Variants in CCT7 observed in about 807,000 individuals in gnomAD.
CCT7 encodes T-complex protein 1 subunit eta.
Under a neutral mutation model 56.6 loss-of-function variants are expected in CCT7, and 16 were observed. That is an observed-to-expected ratio of 0.28 (90% CI 0.19 to 0.43). CCT7 has a LOEUF of 0.43. Among genes scored for constraint, CCT7 ranks in the 20% least tolerant of loss-of-function variants. The probability of loss-of-function intolerance (pLI) is 1.00; values close to 1 mark genes in which losing one functional copy is unlikely to be tolerated. For missense variants in CCT7, 519 were observed against 685.6 expected, an observed-to-expected ratio of 0.76 and a Z score of 2.71; for synonymous variants, 262 against 254.8, an observed-to-expected ratio of 1.03 and a Z score of -0.27.
rs1467981768 is a variant in CCT7 at position 73,240,456 on chromosome 2, T to G, written c.180T>G (p.Asn60Lys). ...VDGRGKATISNDGATILKLLD... is the reference protein window; with the variant it reads ...VDGRGKATISKDGATILKLLD... ...TTTAAGGCAAAGCAACAATTTCTAATGATGGGGCCACAATTCTGAAACTTC... is the reference window on the plus strand; with the variant it reads ...TTTAAGGCAAAGCAACAATTTCTAAGGATGGGGCCACAATTCTGAAACTTC... The change falls in exon 3 of 12, where the codon AAT (asparagine) becomes AAG (lysine). Residue 60 changes from asparagine (N) to lysine (K), a missense_variant. This residue lies in a region of CCT7 where 276 missense variants were observed against 357.3 expected (regional missense o/e 0.77). Coordinates refer to ENST00000258091, the MANE Select transcript of CCT7 (RefSeq NM_006429.4). The G allele has an allele frequency of 1.9e-6, 3 of 1,611,772 alleles. No individual in the cohort carries two copies. The highest frequency in any genetic ancestry group is 2.5e-6 in the Non-Finnish European group (3 of 1,178,872).
At position 73,252,651 on chromosome 2, in the gene CCT7, G is replaced by T; in HGVS notation, c.1422G>T (p.Trp474Cys). The T allele has an allele frequency of 6.2e-7, 1 of 1,613,668 alleles. No homozygotes were observed. The highest frequency in any genetic ancestry group is 1.1e-5 in the South Asian group (1 of 91,060). The change falls in exon 12 of 12, where the codon TGG becomes TGT. Residue 474 changes from tryptophan to cysteine, a missense_variant. Trp to Cys is a radical substitution (Grantham distance 215). Coordinates refer to ENST00000258091, the MANE Select transcript of CCT7 (RefSeq NM_006429.4). ...LRARHAQGGT[W>C]YGVDINNEDI... The stretch of plus-strand genomic sequence containing the variant: ...TCCTACTCTTTTAGGGGGGTACATG[G>T]TATGGAGTAGACATCAACAACGAGG...
At chr2:73,235,092 TAAG>T (rs1455873425) in intron 1 of CCT7, among the ~76,000 whole-genome samples, 3 of 152,170 alleles carry the variant, frequency 2.0e-5, no homozygotes, top group African/African-American at 7.2e-5. Flanking sequence ...TCTGGTGACA[TAAG>T]AAAGGCTTTT....
chr2:73,240,008 T>C (rs947171461), intron 2 of CCT7: 5 of 497,278 alleles, frequency 1.0e-5, no homozygotes. Context: ...GCCTGTTGCC[T>C]CATAGGGAGA....
At chr2:73,243,422 GCACCT>G (rs1687200763) in intron 4 of CCT7, among the ~76,000 whole-genome samples, 3 of 152,088 alleles carry the variant, frequency 2.0e-5, no homozygotes, top group Admixed American at 2.0e-4. Flanking sequence ...CTATACTCAA[GCACCT>G]CATGGTGTAT....
At chr2:73,251,657 G>C (rs1195638388) in intron 11 of CCT7, among the ~76,000 whole-genome samples, 1 of 152,204 alleles carries the variant, frequency 6.6e-6, no homozygotes, top group Admixed American at 6.5e-5. Flanking sequence ...GAGTATGATC[G>C]TGGCCAGGTG....
chr2:73,247,947 G>C (rs1687415842), intron 7 of CCT7, 21 bp downstream of exon 7: 5 of 1,607,998 alleles, frequency 3.1e-6, no homozygotes, highest in Non-Finnish European at 4.3e-6. Flanking sequence ...TCACCAGTTG[G>C]TGGGGGCATG....
chr2:73,250,529 C>T, intron 10 of CCT7, 91 bp downstream of exon 10: 1 of 1,436,966 alleles, frequency 7.0e-7, no homozygotes. Context: ...GATTCCTTCT[C>T]TATATAACCT....
chr2:73,245,174 C>T (rs1426204004), intron 6 of CCT7, among the ~76,000 whole-genome samples: 1 of 152,206 alleles, frequency 6.6e-6, no homozygotes, highest in Non-Finnish European at 1.5e-5. Context: ...TGCACTACCC[C>T]TGCCCCATAT....
chr2:73,250,504 T>C, intron 10 of CCT7, 66 bp downstream of exon 10: 1 of 1,581,632 alleles, frequency 6.3e-7, no homozygotes, highest in Non-Finnish European at 8.7e-7. Context: ...TGATCAGACC[T>C]TGGATTTGTG....
intron 8 of CCT7, 48 bp from the exon 9 acceptor site, chr2:73,249,771 T>C (rs769575589): frequency 3.7e-6 from 5 of 1,336,936 alleles, no homozygotes; most frequent in South Asian, 1.2e-5. Context: ...GGAAGCTGCC[T>C]GGCCTCGGGA....
chr2:73,243,581 A>G (rs1197557497), intron 4 of CCT7, among the ~76,000 whole-genome samples: 1 of 152,168 alleles, frequency 6.6e-6, no homozygotes, highest in Non-Finnish European at 1.5e-5. Flanking sequence ...AGTACTTTGG[A>G]AAAAAATAAA....
chr2:73,252,834 G>A lies in CCT7; in HGVS notation c.1605G>A (p.Arg535=). 1.2e-6 allele frequency: 2 copies of A among 1,613,968 alleles called. No homozygotes were observed. Among genetic ancestry groups the A allele is most frequent in the South Asian group, 1.1e-5 (1 of 91,076 alleles). Residue 535 remains arginine, a synonymous_variant, in exon 12 of 12, where the codon CGG becomes CGA. Transcript: ENST00000258091. Reference sequence around the variant, plus strand: ...TGGATGCTCCCACAGCAGCAGGCCGGGGCCGTGGTCGTGGCCGCCCCCACT... The same window carrying A: ...TGGATGCTCCCACAGCAGCAGGCCGAGGCCGTGGTCGTGGCCGCCCCCACT... The part of the protein sequence containing the change: ...STVDAPTAAG[R]GRGRGRPH
chr2:73,249,103 C>T lies in CCT7; in HGVS notation c.896C>T (p.Ala299Val). 1 of 1,614,092 alleles carries T rather than the reference C, an allele frequency of 6.2e-7. No individual in the cohort carries two copies. The change falls in exon 8 of 12, where the codon GCC becomes GTC. Residue 299 changes from alanine to valine, a missense_variant. Ala to Val is a moderately conservative substitution (Grantham distance 64). Coordinates refer to ENST00000258091, the MANE Select transcript of CCT7 (RefSeq NM_006429.4). ...VLSKLPIGDV[A>V]TQYFADRDMF... ...TCCAAACTCCCCATTGGGGATGTGGCCACCCAGTACTTTGCTGACAGGGAC... is the reference window on the plus strand; with the variant it reads ...TCCAAACTCCCCATTGGGGATGTGGTCACCCAGTACTTTGCTGACAGGGAC...
chr2:73,238,917 A>T (rs1413041268), intron 1 of CCT7, among the ~76,000 whole-genome samples: 1 of 152,212 alleles, frequency 6.6e-6, no homozygotes, highest in African/African-American at 2.4e-5. Flanking sequence ...CCTTACGGGG[A>T]TAGGGAATGT....
rs112372133 is a variant in CCT7, at chr2:73,242,521, C to G, written c.268-483C>G. Among the ~76,000 whole-genome samples, 1,229 of 152,240 alleles carry G rather than the reference C, an allele frequency of 8.1e-3. 24 individuals carry two copies. Among genetic ancestry groups the G allele is most frequent in the African/African-American group, 0.028 (1,150 of 41,550 alleles). On this transcript the variant is annotated intron_variant, in intron 3 of 11. Coordinates refer to ENST00000258091, the MANE Select transcript of CCT7 (RefSeq NM_006429.4). The stretch of plus-strand genomic sequence containing the variant: ...TCTTGAACTCCTGACCTCAGGTGAT[C>G]CACCTGCCTCAGCCTCCCAAAGTGC...
intron 3 of CCT7, among the ~76,000 whole-genome samples, chr2:73,240,926 G>A (rs1687080694): frequency 1.3e-5 from 2 of 149,724 alleles, no homozygotes; most frequent in Non-Finnish European, 3.0e-5. Flanking sequence ...TAAAGAGATA[G>A]GGTCTTACTA....
In CCT7 at chr2:73,239,769, A is replaced by T. The variant is rs1208048616; in HGVS notation, c.133A>T (p.Met45Leu). The T allele has an allele frequency of 1.2e-6, 2 of 1,614,004 alleles. No individual in the cohort carries two copies. The highest frequency in any genetic ancestry group is 3.3e-5 in the Admixed American group (2 of 60,022). Residue 45 changes from methionine (M) to leucine (L), a missense_variant, in exon 2 of 12, where the codon ATG becomes TTG. Met to Leu is a conservative substitution (Grantham distance 15). Transcript: ENST00000258091. Reference sequence around the variant, plus strand: ...AAGAACTACCCTGGGTCCCCGTGGCATGGACAAGCTTATTGTAGATGGCAG... The same window carrying T: ...AAGAACTACCCTGGGTCCCCGTGGCTTGGACAAGCTTATTGTAGATGGCAG... ...AVRTTLGPRGMDKLIVDGRGK... is the reference protein window; with the variant it reads ...AVRTTLGPRGLDKLIVDGRGK...
At chr2:73,249,257 G>GA (rs1687472255) in intron 8 of CCT7, 78 bp downstream of exon 8, 1 of 1,122,594 alleles carries the variant, frequency 8.9e-7, no homozygotes, top group South Asian at 1.7e-5. Flanking sequence ...ATAACAGAGT[G>GA]TACTGTCAGG....
intron 8 of CCT7, 133 bp downstream of exon 8, chr2:73,249,312 T>G: frequency 3.0e-6 from 2 of 658,938 alleles, no homozygotes; most frequent in Admixed American, 6.7e-5. Context: ...AACTCTTTTT[T>G]TTCCAGGACA....
Sources: gnomAD v4.1 joint callset for allele counts (sites outside exome capture counted in the v4.1 genomes callset) on GRCh38, gnomAD v4.1.1 for gene constraint, gnomAD v4.1.1 regional missense constraint, MANE v1.5 for transcripts, NCBI Gene and HGNC (gene_info 2026-07-23, HGNC 2026-07-21) for gene names.